KHDC1: variants seen among roughly 807,000 people sequenced by gnomAD.
KHDC1 encodes KH domain containing 1, also known as KH homology domain-containing protein 1.
KHDC1 carries 21 observed loss-of-function variants against 24.7 expected under a neutral mutation model. That is an observed-to-expected ratio of 0.85 (90% CI 0.60 to 1.23). The LOEUF is 1.23. Ranked by LOEUF, KHDC1 falls within the 50% of genes most tolerant of loss-of-function variation. The pLI, the probability that KHDC1 is intolerant of heterozygous loss-of-function variation, is 0.00. For missense variants in KHDC1, 274 were observed against 298.5 expected (o/e 0.92, Z 0.61); for synonymous variants, 98 against 111.7 (o/e 0.88, Z 0.77).
chr6:73,246,642 C>A (rs950143637), intron 2 of KHDC1, among the ~76,000 whole-genome samples: 1 of 152,072 alleles, frequency 6.6e-6, no homozygotes, highest in Non-Finnish European at 1.5e-5. Flanking sequence ...CAGTTATATG[C>A]CAGTCTATAA....
intron 2 of KHDC1, chr6:73,268,780 C>G (rs944083182): frequency 1.3e-5 from 2 of 152,558 alleles, no homozygotes; most frequent in African/African-American, 4.8e-5. Context: ...CTCCACGTCC[C>G]CACTAGACTC....
chr6:73,282,681 G>A (rs1176162349), intron 2 of KHDC1, among the ~76,000 whole-genome samples: 1 of 152,128 alleles, frequency 6.6e-6, no homozygotes, highest in Admixed American at 6.6e-5. Context: ...CCCTGCACTT[G>A]ATGGATCAGC....
At chr6:73,288,798 C>A (rs1767568885) in intron 2 of KHDC1, among the ~76,000 whole-genome samples, 2 of 98,004 alleles carry the variant, frequency 2.0e-5, no homozygotes, top group Admixed American at 1.2e-4. Context: ...GTAAGACCCC[C>A]ATCTCAAAAA....
At chr6:73,241,911 G>A in intron 4 of KHDC1, 144 bp downstream of exon 3, 2 of 1,076,682 alleles carry the variant, frequency 1.9e-6, no homozygotes, top group Non-Finnish European at 2.6e-6. Context: ...AAAAAAAGAT[G>A]AGCACTTTTC....
intron 2 of KHDC1, chr6:73,291,112 G>C: frequency 2.0e-6 from 1 of 492,640 alleles, no homozygotes; most frequent in Non-Finnish European, 4.0e-6. Context: ...CTCAATCTGA[G>C]GTTGCAGACT....
At chr6:73,245,022 A>G (rs1283634730) in intron 2 of KHDC1, among the ~76,000 whole-genome samples, 3 of 152,250 alleles carry the variant, frequency 2.0e-5, no homozygotes, top group Admixed American at 6.5e-5. Flanking sequence ...GAAATTCTGT[A>G]CTACAGAAGA....
chr6:73,282,544 C>G (rs532335636), intron 2 of KHDC1, among the ~76,000 whole-genome samples: 15 of 152,220 alleles, frequency 9.9e-5, no homozygotes, highest in African/African-American at 3.1e-4. Flanking sequence ...ACTAGACTCC[C>G]TTTGTAGGAC....
At chr6:73,254,439 C>T (rs1477743267) in intron 2 of KHDC1, among the ~76,000 whole-genome samples, 5 of 148,266 alleles carry the variant, frequency 3.4e-5, no homozygotes, top group South Asian at 2.1e-4. Flanking sequence ...CCAGCCTGGG[C>T]GACAGAATGA....
chr6:73,304,086 T>C (rs553508844), intron 1 of KHDC1, among the ~76,000 whole-genome samples: 1 of 151,760 alleles, frequency 6.6e-6, no homozygotes, highest in East Asian at 1.9e-4. Flanking sequence ...GGCTGATGCA[T>C]GACAATCGCT....
At chr6:73,287,374 C>G (rs1412312616) in intron 2 of KHDC1, among the ~76,000 whole-genome samples, 3 of 152,196 alleles carry the variant, frequency 2.0e-5, no homozygotes, top group Non-Finnish European at 4.4e-5. Flanking sequence ...ACAGAGGGAC[C>G]TGACTACTAG....
chr6:73,308,978 C>T (rs572204421), intron 1 of KHDC1, among the ~76,000 whole-genome samples: 5 of 152,112 alleles, frequency 3.3e-5, no homozygotes, highest in Admixed American at 6.6e-5. Context: ...ATTACAGGCA[C>T]GCGCGCCAGG....
intron 1 of KHDC1, among the ~76,000 whole-genome samples, chr6:73,305,991 T>A (rs1767955562): frequency 6.6e-6 from 1 of 152,120 alleles, no homozygotes; most frequent in African/African-American, 2.4e-5. Flanking sequence ...AAATTATATT[T>A]TTAAGTCTGT....
intron 1 of KHDC1, among the ~76,000 whole-genome samples, chr6:73,308,104 T>A (rs565797022): frequency 7.1e-6 from 1 of 140,406 alleles, no homozygotes; most frequent in East Asian, 2.1e-4. Flanking sequence ...AGACAGAGTC[T>A]GGCTCAGTTG....
Position 73,309,914 on chromosome 6 carries a change from C to T in KHDC1, c.-200G>A, listed in dbSNP as rs140429836. On this transcript the variant is annotated 5_prime_UTR_variant, in exon 1 of 5. Coordinates refer to ENST00000370384, the Ensembl canonical transcript of KHDC1. ...ACAGTCTAGGTGGATTAACGCGCCA[C>T]CGCGAGAAGTGGGCACGGGACCACA... 1,595 of 552,674 alleles carry T rather than the reference C, an allele frequency of 2.9e-3. 24 individuals are homozygous for T. Among genetic ancestry groups the T allele is most frequent in the African/African-American group, 0.028 (1,438 of 50,952 alleles). 34.2% of individuals were successfully genotyped at this position (552,674 alleles called of 1,614,324 possible). A position where few individuals can be genotyped will look rare whatever the true frequency, so the allele number is the denominator to read the frequency against.
intron 2 of KHDC1, among the ~76,000 whole-genome samples, chr6:73,263,798 T>C (rs1427792792): frequency 6.6e-6 from 1 of 152,212 alleles, no homozygotes; most frequent in Admixed American, 6.5e-5. Context: ...TTTACTCCTG[T>C]TCGTTTATGG....
At chr6:73,260,261 T>TA in intron 2 of KHDC1, among the ~76,000 whole-genome samples, 1 of 152,132 alleles carries the variant, frequency 6.6e-6, no homozygotes, top group Middle Eastern at 3.4e-3. Context: ...TATCAAGATG[T>TA]AAAAAAAATT....
In KHDC1 at chr6:73,306,060, G is replaced by A. The variant is rs148172187; in HGVS notation, c.163+3492C>T. 2.0e-5 allele frequency among the ~76,000 whole-genome samples: 3 copies of A among 152,308 alleles called. No homozygotes were observed. In the East Asian group the frequency reaches 5.8e-4, roughly 29 times the overall value. ...ATATGCATTTAGTGTTTTTATTGCG[G>A]AAATGTTAATTAGTAGTCATAAATT... On this transcript the variant is annotated intron_variant, in intron 1 of 4. Transcript: ENST00000370384.
At chr6:73,289,512 A>G (rs986022023) in intron 2 of KHDC1, among the ~76,000 whole-genome samples, 1 of 151,710 alleles carries the variant, frequency 6.6e-6, no homozygotes, top group Non-Finnish European at 1.5e-5. Context: ...TAGCCAGGCC[A>G]TGGTGGCTCA....
exon 5 of KHDC1, chr6:73,241,411 G>A: frequency 1.1e-6 from 1 of 892,372 alleles, no homozygotes; most frequent in Non-Finnish European, 1.8e-6. Flanking sequence ...AGACCTGAGA[G>A]GGACAGGTCC....
Sources: allele counts gnomAD v4.1 joint callset (sites outside exome capture counted in the v4.1 genomes callset), GRCh38; gene constraint gnomAD v4.1.1; transcripts MANE v1.5; gene names NCBI Gene and HGNC (gene_info 2026-07-23, HGNC 2026-07-21).